Variants in OTOGL observed in about 807,000 individuals in gnomAD.
The protein encoded by OTOGL is otogelin-like protein.
A neutral mutation model predicts 318.5 loss-of-function variants in OTOGL; 285 were observed. That is an observed-to-expected ratio of 0.89 (90% confidence interval 0.81 to 0.99). The LOEUF (loss-of-function observed/expected upper bound fraction) is 0.99. Among genes scored for constraint, OTOGL ranks in the 50% least tolerant of loss-of-function variants. OTOGL has a pLI of 0.00. For synonymous variants in OTOGL, 987 were observed against 936.5 expected (o/e 1.05, Z -0.99); for missense variants, 2,899 against 2,845.6 (o/e 1.02, Z -0.43).
At chr12:80,252,909 A>G (rs1881699715) in intron 13 of OTOGL, among the ~76,000 whole-genome samples, 1 of 152,236 alleles carries the variant, frequency 6.6e-6, no homozygotes, top group Non-Finnish European at 1.5e-5. Flanking sequence ...CCCAAGCACC[A>G]AAATAAAGTC....
At chr12:80,255,700 A>G (rs1053917277) in intron 16 of OTOGL, among the ~76,000 whole-genome samples, 1 of 151,968 alleles carries the variant, frequency 6.6e-6, no homozygotes, top group African/African-American at 2.4e-5. Flanking sequence ...TTGAAATAGT[A>G]AACTCATCAA....
At position 80,336,431 on chromosome 12, in the gene OTOGL, C is replaced by G. The variant is rs1888408375; in HGVS notation, c.4619C>G (p.Ser1540Ter). 2 of 1,605,800 alleles carry G rather than the reference C, an allele frequency of 1.2e-6. No individual in the cohort carries two copies. Among genetic ancestry groups the G allele is most frequent in the African/African-American group, 2.7e-5 (2 of 74,658 alleles). The stretch of plus-strand genomic sequence containing the variant: ...TTTATAGGTCGGTGTTCCATGTTGT[C>G]AGAACTGAGCATTATTACATTTGAT... ...WECPCRCSMLSELSIITFDGN... is the reference protein window; with the variant it reads ...WECPCRCSML The change falls in exon 40 of 59, where the codon TCA (serine) becomes TGA (stop). Residue 1540 changes from serine (S) to a stop codon, truncating the protein, a stop_gained. Coordinates refer to ENST00000547103, the MANE Select transcript of OTOGL (RefSeq NM_001378609.3). LOFTEE classifies it high-confidence loss of function.
chr12:80,201,062 T>C (rs1284265638), intron 1 of OTOGL, among the ~76,000 whole-genome samples: 1 of 152,198 alleles, frequency 6.6e-6, no homozygotes, highest in Non-Finnish European at 1.5e-5. Context: ...CACAACCCTG[T>C]GGCACCTCCC....
intron 1 of OTOGL, among the ~76,000 whole-genome samples, chr12:80,116,635 G>A (rs992785054): frequency 6.6e-6 from 1 of 152,134 alleles, no homozygotes; most frequent in African/African-American, 2.4e-5. Flanking sequence ...CAAAAGCTTA[G>A]ATGAAATTTT....
At chr12:80,351,822 A>G (rs1454809106) in intron 44 of OTOGL, among the ~76,000 whole-genome samples, 1 of 152,212 alleles carries the variant, frequency 6.6e-6, no homozygotes, top group Non-Finnish European at 1.5e-5. Context: ...GAGTAATTAA[A>G]TTGAGGTGTG....
At chr12:80,170,203 GTGTGTGTGTGTATGTA>G (rs71094967) in intron 1 of OTOGL, among the ~76,000 whole-genome samples, 2,565 of 116,448 alleles carry the variant, frequency 0.022, 42 homozygotes, top group African/African-American at 0.11. Context: ...GTGTGTGTGT[GTGTGTGTGTGTATGTA>G]TGTGTGTGTG....
At chr12:80,159,002 G>A (rs55990081) in intron 1 of OTOGL, among the ~76,000 whole-genome samples, 8,918 of 152,080 alleles carry the variant, frequency 0.059, 838 homozygotes, top group African/African-American at 0.2. Context: ...ATTGAGGTAT[G>A]TCTCTTTTAT....
rs533931939 is a variant in OTOGL, at chr12:80,380,079, C to T, written c.*2031C>T. ...TGGTGTTGGGACAACTGAATGGTTA[C>T]GTAGATAAAGAAAAATTTGAATTCA... On this transcript the variant is annotated 3_prime_UTR_variant, in exon 59 of 59. Coordinates refer to ENST00000547103, the MANE Select transcript of OTOGL (RefSeq NM_001378609.3). The T allele has an allele frequency of 2.0e-5, 3 of 151,888 alleles. No homozygotes were observed. Among genetic ancestry groups the T allele is most frequent in the African/African-American group, 7.2e-5 (3 of 41,468 alleles). The allele number at this position is 151,888 out of a possible 1,614,324, so 9.4% of individuals were successfully genotyped here.
Position 80,301,376 on chromosome 12 carries a change from TC to T in OTOGL, c.3064-1257del, listed in dbSNP as rs1362241974. On this transcript the variant is annotated intron_variant, in intron 27 of 58. Coordinates refer to ENST00000547103, the MANE Select transcript of OTOGL (RefSeq NM_001378609.3). Reference sequence around the variant, plus strand: ...ATCCTTTCTCCTGCCTAAATTATCTTCTTTTACTATACAACCATGGTCTAAT... The same window carrying T: ...ATCCTTTCTCCTGCCTAAATTATCTTTTTTACTATACAACCATGGTCTAAT... Among the ~76,000 whole-genome samples, 9 of 152,332 alleles carry T rather than the reference TC, an allele frequency of 5.9e-5. No individual in the cohort carries two copies. In the South Asian group the frequency reaches 1.0e-3, roughly 18 times the overall value.
At chr12:80,277,534 T>C (rs1883903065) in intron 24 of OTOGL, among the ~76,000 whole-genome samples, 1 of 150,376 alleles carries the variant, frequency 6.6e-6, no homozygotes, top group Non-Finnish European at 1.5e-5. Flanking sequence ...TTTATAGCCA[T>C]AGACATTTTT....
rs772152273 is a variant in OTOGL, at chr12:80,302,789, T to G, written c.3213+6T>G. On this transcript the variant is annotated splice_donor_region_variant and intron_variant, in intron 28 of 58. Coordinates refer to ENST00000547103, the MANE Select transcript of OTOGL (RefSeq NM_001378609.3). ...AAGTTGGGCCACAGTGGAAGGTAGGTCAACCTAAGCTCCAAATGAGATGTA... is the reference window on the plus strand; with the variant it reads ...AAGTTGGGCCACAGTGGAAGGTAGGGCAACCTAAGCTCCAAATGAGATGTA... 2 of 1,475,094 alleles carry G rather than the reference T, an allele frequency of 1.4e-6. No homozygotes were observed. The highest frequency in any genetic ancestry group is 1.8e-6 in the Non-Finnish European group (2 of 1,118,374). The allele number at this position is 1,475,094 out of a possible 1,614,324, so 91.4% of individuals were successfully genotyped here.
chr12:80,364,360 C>T (rs1354613098), intron 52 of OTOGL, among the ~76,000 whole-genome samples: 3 of 152,086 alleles, frequency 2.0e-5, no homozygotes, highest in South Asian at 4.1e-4. Context: ...TGTGTTTCAA[C>T]CTGAAAAATG....
intron 1 of OTOGL, among the ~76,000 whole-genome samples, chr12:80,153,452 A>G (rs1296149220): frequency 2.6e-5 from 4 of 152,176 alleles, no homozygotes; most frequent in Non-Finnish European, 5.9e-5. Context: ...CATTTAATCT[A>G]TACCTTCTCT....
intron 1 of OTOGL, among the ~76,000 whole-genome samples, chr12:80,128,249 C>T (rs1870985971): frequency 1.3e-5 from 2 of 152,178 alleles, no homozygotes; most frequent in South Asian, 4.1e-4. Context: ...TGTTAGTTTT[C>T]CTTCTAACAG....
At chr12:80,233,118 G>A (rs1368344333) in intron 9 of OTOGL, 21 bp downstream of exon 9, 1 of 1,561,592 alleles carries the variant, frequency 6.4e-7, no homozygotes, top group Non-Finnish European at 8.7e-7. Flanking sequence ...CAGAATAAAT[G>A]TGTGGGTACC....
chr12:80,330,912 T>C (rs1025505447), intron 37 of OTOGL, among the ~76,000 whole-genome samples: 1 of 152,206 alleles, frequency 6.6e-6, no homozygotes, highest in Non-Finnish European at 1.5e-5. Context: ...GCTTAGAATA[T>C]ATGTAGCAAA....
chr12:80,181,460 T>G (rs1022836384), intron 1 of OTOGL, among the ~76,000 whole-genome samples: 3 of 152,110 alleles, frequency 2.0e-5, no homozygotes, highest in Admixed American at 6.6e-5. Flanking sequence ...TATTGTAAGT[T>G]TCTTCCCCTA....
chr12:80,335,652 G>A (rs1888344639), intron 38 of OTOGL, among the ~76,000 whole-genome samples: 1 of 152,036 alleles, frequency 6.6e-6, no homozygotes, highest in Non-Finnish European at 1.5e-5. Context: ...TGAAGGGTCA[G>A]CTGTCATTTT....
At chr12:80,196,761 GT>G (rs1876101469) in intron 1 of OTOGL, among the ~76,000 whole-genome samples, 1 of 152,182 alleles carries the variant, frequency 6.6e-6, no homozygotes. Flanking sequence ...CTTTGTTCCA[GT>G]TATTTTCTCT....
Sources: gnomAD v4.1 joint callset for allele counts (sites outside exome capture counted in the v4.1 genomes callset) on GRCh38, gnomAD v4.1.1 for gene constraint, MANE v1.5 for transcripts, NCBI Gene and HGNC (gene_info 2026-07-23, HGNC 2026-07-21) for gene names.